Variants in CCDC102B observed in about 807,000 individuals in gnomAD.
The protein encoded by CCDC102B is coiled-coil domain-containing protein 102B.
A neutral mutation model predicts 57.4 loss-of-function variants in CCDC102B; 75 were observed. That is an observed-to-expected ratio of 1.31 (90% CI 1.08 to 1.58). The LOEUF is 1.58. CCDC102B is among the 40% of genes most tolerant of loss of function. The pLI, the probability that CCDC102B is intolerant of heterozygous loss-of-function variation, is 0.00. For synonymous variants in CCDC102B, 206 were observed against 201.9 expected (o/e 1.02, Z -0.17); for missense variants, 636 against 582.6 (o/e 1.09, Z -0.94).
At chr18:68,780,307 G>T (rs901833707) in intron 2 of CCDC102B, among the ~76,000 whole-genome samples, 1 of 152,012 alleles carries the variant, frequency 6.6e-6, no homozygotes, top group African/African-American at 2.4e-5. Context: ...GCATAATGCT[G>T]CTATAAACAT....
In CCDC102B at chr18:68,838,766, G is replaced by T. The variant is rs779947462; in HGVS notation, c.667G>T (p.Gly223Cys). ...LSEEMKPNLD[G>C]VDLFNNGGSG... ...TGAGGAGATGAAGCCCAATCTAGAT[G>T]GTGTTGATTTATTCAACAATGGTGG... The change falls in exon 3 of 8, where the codon GGT becomes TGT. Residue 223 changes from glycine (G) to cysteine (C), a missense_variant. Physicochemically the swap from Gly to Cys is radical, Grantham distance 159. Coordinates refer to ENST00000360242, the MANE Select transcript of CCDC102B (RefSeq NM_024781.3). 1.2e-6 allele frequency: 2 copies of T among 1,613,962 alleles called. No individual in the cohort carries two copies. The highest frequency in any genetic ancestry group is 1.7e-6 in the Non-Finnish European group (2 of 1,179,924).
At chr18:68,836,154 A>T (rs1372803298) in intron 1 of CCDC102B, among the ~76,000 whole-genome samples, 1 of 152,232 alleles carries the variant, frequency 6.6e-6, no homozygotes, top group East Asian at 1.9e-4. Flanking sequence ...AATAGATATG[A>T]CCTAAGTAGA....
intron 6 of CCDC102B, among the ~76,000 whole-genome samples, chr18:68,950,864 T>TC (rs1213164719): frequency 6.6e-6 from 1 of 152,186 alleles, no homozygotes; most frequent in East Asian, 1.9e-4. Flanking sequence ...GGTATTTTTT[T>TC]TTGAGAATTA....
chr18:68,925,555 G>A (rs1432660296), intron 6 of CCDC102B, among the ~76,000 whole-genome samples: 2 of 151,916 alleles, frequency 1.3e-5, no homozygotes. Context: ...ATGACATTTT[G>A]GCCACAAAGC....
chr18:69,005,051 A>G (rs1397345750), intron 6 of CCDC102B, among the ~76,000 whole-genome samples: 1 of 152,188 alleles, frequency 6.6e-6, no homozygotes, highest in Non-Finnish European at 1.5e-5. Context: ...TTCTGAGGTA[A>G]GAATTTGATA....
intron 5 of CCDC102B, among the ~76,000 whole-genome samples, chr18:68,892,639 T>C (rs1179313540): frequency 6.6e-6 from 1 of 152,206 alleles, no homozygotes; most frequent in African/African-American, 2.4e-5. Context: ...TTCTAAACTA[T>C]GCAATTTTCA....
At chr18:68,827,907 A>G (rs1021174324) in intron 1 of CCDC102B, among the ~76,000 whole-genome samples, 3 of 152,002 alleles carry the variant, frequency 2.0e-5, no homozygotes, top group African/African-American at 7.2e-5. Flanking sequence ...AAGAGTAGCT[A>G]TGTTAATATC....
chr18:69,055,195 T>C (rs79238393), downstream of CCDC102B: 2 of 951,052 alleles, frequency 2.1e-6, no homozygotes, highest in African/African-American at 3.5e-5. Flanking sequence ...GAGTCTCTCA[T>C]TGTAAAAGCC....
At chr18:68,970,192 A>G (rs1292970586) in intron 6 of CCDC102B, among the ~76,000 whole-genome samples, 3 of 152,070 alleles carry the variant, frequency 2.0e-5, no homozygotes, top group Non-Finnish European at 4.4e-5. Flanking sequence ...AACAGATAAA[A>G]TATTAGTAAT....
Position 68,891,806 on chromosome 18 carries a change from T to G in CCDC102B, c.1054-5413T>G, listed in dbSNP as rs11872730. On this transcript the variant is annotated intron_variant, in intron 5 of 7. Coordinates refer to ENST00000360242, the MANE Select transcript of CCDC102B (RefSeq NM_024781.3). ...CCATTGGATTAAGGCCCCACCCTAA[T>G]GTATCCTCTTAATCTTTATTACCTA... Among the ~76,000 whole-genome samples the G allele has an allele frequency of 8.5e-3, 1,292 of 152,290 alleles. 18 individuals are homozygous for G. The highest frequency in any genetic ancestry group is 0.03 in the African/African-American group (1,240 of 41,574).
chr18:69,024,777 T>C (rs1287937183), intron 7 of CCDC102B, among the ~76,000 whole-genome samples: 1 of 152,056 alleles, frequency 6.6e-6, no homozygotes, highest in Non-Finnish European at 1.5e-5. Context: ...ATGTAATGCA[T>C]GTTCTCTACA....
At chr18:68,839,970 A>G (rs2037556726) in intron 3 of CCDC102B, among the ~76,000 whole-genome samples, 1 of 152,136 alleles carries the variant, frequency 6.6e-6, no homozygotes, top group African/African-American at 2.4e-5. Context: ...CATTGTGGCA[A>G]CGATCTTTGC....
intron 2 of CCDC102B, among the ~76,000 whole-genome samples, chr18:68,790,331 G>T (rs1437330262): frequency 6.6e-6 from 1 of 151,614 alleles, no homozygotes; most frequent in Admixed American, 6.6e-5. Context: ...AGGCAGGCAG[G>T]CCTCCTTGAG....
chr18:68,724,511 A>G (rs563361480), intron 2 of CCDC102B, among the ~76,000 whole-genome samples: 12 of 152,316 alleles, frequency 7.9e-5, no homozygotes, highest in African/African-American at 2.6e-4. Context: ...TTTCAAGTTC[A>G]AAGTTCCACA....
intron 6 of CCDC102B, among the ~76,000 whole-genome samples, chr18:68,911,053 A>G (rs925730842): frequency 1.8e-4 from 28 of 152,170 alleles, no homozygotes; most frequent in African/African-American, 6.8e-4. Flanking sequence ...GAAAAACAGA[A>G]CCGCCGTTCA....
At chr18:68,840,364 C>T (rs2037575886) in intron 3 of CCDC102B, among the ~76,000 whole-genome samples, 1 of 151,946 alleles carries the variant, frequency 6.6e-6, no homozygotes, top group African/African-American at 2.4e-5. Flanking sequence ...AGTTCTTTAC[C>T]ACTTACTTTC....
intron 2 of CCDC102B, among the ~76,000 whole-genome samples, chr18:68,781,717 T>G (rs2035012830): frequency 6.6e-6 from 1 of 152,164 alleles, no homozygotes; most frequent in Non-Finnish European, 1.5e-5. Flanking sequence ...TTTTAAAAAT[T>G]GTCTAGAGCT....
chr18:68,935,976 A>G (rs900033284), intron 6 of CCDC102B, among the ~76,000 whole-genome samples: 4 of 151,970 alleles, frequency 2.6e-5, no homozygotes, highest in Admixed American at 6.6e-5. Context: ...TCCCTGATCC[A>G]AAAACCTGAA....
intron 7 of CCDC102B, among the ~76,000 whole-genome samples, chr18:69,040,425 TGTGTGTGTGA>T (rs2052406030): frequency 4.4e-5 from 4 of 91,222 alleles, no homozygotes; most frequent in Admixed American, 1.1e-4. Flanking sequence ...TGTGTATGTG[TGTGTGTGTGA>T]GATGGCTTCC....
Sources: allele counts gnomAD v4.1 joint callset (sites outside exome capture counted in the v4.1 genomes callset), GRCh38; gene constraint gnomAD v4.1.1; transcripts MANE v1.5; gene names NCBI Gene and HGNC (gene_info 2026-07-23, HGNC 2026-07-21).